The following DACH1 variants were observed in gnomAD, a reference collection of about 807,000 sequenced individuals.
DACH1 encodes dachshund homolog 1.
In DACH1, 12 loss-of-function variants were observed where a neutral mutation model predicts 54.2. That is an observed-to-expected ratio of 0.22 (90% CI 0.14 to 0.36). The LOEUF is 0.36. Among genes scored for constraint, DACH1 ranks in the 10% least tolerant of loss-of-function variants. DACH1 has a pLI of 1.00. For synonymous variants in DACH1, 386 were observed against 366.2 expected (o/e 1.05, Z -0.62); for missense variants, 805 against 929.8 (o/e 0.87, Z 1.75).
At chr13:71,581,369 A>C (rs574686725) in intron 3 of DACH1, among the ~76,000 whole-genome samples, 2 of 152,230 alleles carry the variant, frequency 1.3e-5, no homozygotes, top group South Asian at 4.1e-4. Flanking sequence ...GGTTCAAGCG[A>C]TTCTTCTGCC....
At chr13:71,660,376 A>G (rs1264686875) in intron 2 of DACH1, among the ~76,000 whole-genome samples, 1 of 152,162 alleles carries the variant, frequency 6.6e-6, no homozygotes, top group Admixed American at 6.5e-5. Flanking sequence ...GATCTGGCAT[A>G]TAAAATATGT....
At chr13:71,782,930 T>A (rs1886445316) in intron 1 of DACH1, among the ~76,000 whole-genome samples, 1 of 152,136 alleles carries the variant, frequency 6.6e-6, no homozygotes, top group Non-Finnish European at 1.5e-5. Context: ...AAATATTTTT[T>A]AAAAATTATT....
In DACH1 at chr13:71,643,740, G is replaced by T. The variant is rs148946718; in HGVS notation, c.965-13023C>A. On this transcript the variant is annotated intron_variant, in intron 2 of 10. Transcript: ENST00000613252. ...CCTAGTTAATAAACTTTCATTGAAG[G>T]TTTCTTTCAACTGTTACGGACAATG... Among the ~76,000 whole-genome samples, 23 of 152,096 alleles carry T rather than the reference G, an allele frequency of 1.5e-4. No homozygotes were observed. The East Asian group carries it at 3.7e-3, about 24-fold the overall frequency.
chr13:71,833,276 T>TA (rs1420054920), intron 1 of DACH1, among the ~76,000 whole-genome samples: 2 of 151,968 alleles, frequency 1.3e-5, no homozygotes, highest in African/African-American at 4.8e-5. Flanking sequence ...TTCACCCAGA[T>TA]ACAGAGCTAG....
At chr13:71,845,226 TG>T (rs1463741336) in intron 1 of DACH1, among the ~76,000 whole-genome samples, 1 of 152,086 alleles carries the variant, frequency 6.6e-6, no homozygotes, top group Non-Finnish European at 1.5e-5. Flanking sequence ...TATGTGCAAT[TG>T]TTATATGTCA....
intron 7 of DACH1, among the ~76,000 whole-genome samples, chr13:71,488,541 C>T (rs1378001410): frequency 2.0e-5 from 3 of 151,940 alleles, no homozygotes; most frequent in Admixed American, 2.0e-4. Context: ...TGAAAGAAGG[C>T]ATTTTTTTGG....
At chr13:71,729,364 A>G (rs2137906319) in intron 1 of DACH1, among the ~76,000 whole-genome samples, 1 of 152,162 alleles carries the variant, frequency 6.6e-6, no homozygotes, top group Admixed American at 6.5e-5. Flanking sequence ...AGAGATACTT[A>G]TTTAAAAAGT....
chr13:71,594,560 A>C (rs1284019489), intron 3 of DACH1, among the ~76,000 whole-genome samples: 1 of 152,214 alleles, frequency 6.6e-6, no homozygotes, highest in Non-Finnish European at 1.5e-5. Context: ...AGTTATAGTA[A>C]CATAATGTGT....
At chr13:71,586,528 G>GT (rs1367197272) in intron 3 of DACH1, among the ~76,000 whole-genome samples, 1 of 152,004 alleles carries the variant, frequency 6.6e-6, no homozygotes, top group African/African-American at 2.4e-5. Context: ...CATTGAAACA[G>GT]TATTACACAC....
intron 1 of DACH1, among the ~76,000 whole-genome samples, chr13:71,756,332 A>G (rs1458340941): frequency 6.6e-6 from 1 of 152,058 alleles, no homozygotes; most frequent in Non-Finnish European, 1.5e-5. Context: ...AGTGTGAGCC[A>G]CCGCACCCGG....
At chr13:71,629,317 G>T (rs1876901784) in intron 3 of DACH1, among the ~76,000 whole-genome samples, 1 of 151,922 alleles carries the variant, frequency 6.6e-6, no homozygotes, top group East Asian at 1.9e-4. Context: ...TCTCTTCCAT[G>T]TCTTTTCATC....
At chr13:71,800,474 C>A (rs946677227) in intron 1 of DACH1, among the ~76,000 whole-genome samples, 1 of 152,010 alleles carries the variant, frequency 6.6e-6, no homozygotes. Context: ...TTTAGATGAA[C>A]TTCTTTCTAG....
At chr13:71,758,692 GCTTAATGGGT>G (rs1048103902) in intron 1 of DACH1, among the ~76,000 whole-genome samples, 9 of 152,106 alleles carry the variant, frequency 5.9e-5, no homozygotes, top group Non-Finnish European at 1.2e-4. Context: ...GTATCTAAAT[GCTTAATGGGT>G]CTGCCGAAGG....
Position 71,724,559 on chromosome 13 carries a change from C to A in DACH1, c.849-42649G>T, listed in dbSNP as rs56803110. ...ACTTGGAAACACTCTTGATATGATA[C>A]AACTATACCATATACTTCCATTTCT... On this transcript the variant is annotated intron_variant, in intron 1 of 10. Coordinates refer to ENST00000613252, the MANE Select transcript of DACH1 (RefSeq NM_080759.6). 8.4e-3 allele frequency among the ~76,000 whole-genome samples: 1,273 copies of A among 152,188 alleles called. 19 individuals carry two copies. The highest frequency in any genetic ancestry group is 0.027 in the African/African-American group (1,141 of 41,526).
chr13:71,608,236 G>A (rs1011543179), intron 3 of DACH1, among the ~76,000 whole-genome samples: 1 of 151,792 alleles, frequency 6.6e-6, no homozygotes, highest in Non-Finnish European at 1.5e-5. Context: ...AACCATGTGG[G>A]TAATAATAAC....
chr13:71,622,597 T>C (rs1428225096), intron 3 of DACH1, among the ~76,000 whole-genome samples: 1 of 151,890 alleles, frequency 6.6e-6, no homozygotes, highest in Non-Finnish European at 1.5e-5. Context: ...TTACAAACTT[T>C]ACGTAAACAG....
chr13:71,660,349 A>C (rs1397029513), intron 2 of DACH1, among the ~76,000 whole-genome samples: 1 of 152,140 alleles, frequency 6.6e-6, no homozygotes, highest in Non-Finnish European at 1.5e-5. Context: ...TTGAACATAC[A>C]GCATGTCAAT....
At chr13:71,831,554 C>T (rs929429531) in intron 1 of DACH1, among the ~76,000 whole-genome samples, 1 of 151,610 alleles carries the variant, frequency 6.6e-6, no homozygotes, top group Non-Finnish European at 1.5e-5. Context: ...TACTATATAC[C>T]CACCAGAGAG....
At chr13:71,472,601 A>T (rs1025475172) in intron 10 of DACH1, among the ~76,000 whole-genome samples, 2 of 152,216 alleles carry the variant, frequency 1.3e-5, no homozygotes, top group Non-Finnish European at 2.9e-5. Context: ...AAATAATTTC[A>T]GTTATGGTTG....
Sources: gnomAD v4.1 joint callset for allele counts (sites outside exome capture counted in the v4.1 genomes callset) on GRCh38, gnomAD v4.1.1 for gene constraint, MANE v1.5 for transcripts, NCBI Gene and HGNC (gene_info 2026-07-23, HGNC 2026-07-21) for gene names.